OSTF1: variants seen among roughly 807,000 people sequenced by gnomAD.
OSTF1 encodes the protein osteoclast-stimulating factor 1.
A neutral mutation model predicts 37.2 loss-of-function variants in OSTF1; 27 were observed. The observed-to-expected ratio is 0.73, with a 90% CI of 0.54 to 1.00. The LOEUF (loss-of-function observed/expected upper bound fraction) is 1.00. OSTF1 is among the 50% of genes least tolerant of loss of function. The probability of loss-of-function intolerance (pLI) is 0.00; values close to 1 mark genes in which losing one functional copy is unlikely to be tolerated. For missense variants in OSTF1, 232 were observed against 253.8 expected, an observed-to-expected ratio of 0.91 and a Z score of 0.58; for synonymous variants, 82 against 89.2, an observed-to-expected ratio of 0.92 and a Z score of 0.46.
At chr9:75,130,767 A>G (rs1825750342) in intron 4 of OSTF1, 126 bp downstream of exon 4, 5 of 665,470 alleles carry the variant, frequency 7.5e-6, no homozygotes, top group Non-Finnish European at 1.1e-5. Flanking sequence ...GACATTTTCT[A>G]TTCCATGAGC....
At chr9:75,122,488 A>G (rs1430806036) in intron 2 of OSTF1, among the ~76,000 whole-genome samples, 1 of 152,180 alleles carries the variant, frequency 6.6e-6, no homozygotes, top group Non-Finnish European at 1.5e-5. Flanking sequence ...ATACTGTACT[A>G]TAGGGGTAGG....
chr9:75,143,258 A>G (rs1825971354), intron 9 of OSTF1, among the ~76,000 whole-genome samples: 1 of 152,188 alleles, frequency 6.6e-6, no homozygotes, highest in African/African-American at 2.4e-5. Context: ...AAGTACAAAA[A>G]TTCACATTTT....
chr9:75,113,470 A>G (rs1219626086), intron 1 of OSTF1, among the ~76,000 whole-genome samples: 3 of 146,374 alleles, frequency 2.0e-5, no homozygotes, highest in African/African-American at 5.1e-5. Context: ...TTTTTTTGAT[A>G]CAGAGTCTTG....
intron 2 of OSTF1, among the ~76,000 whole-genome samples, chr9:75,125,639 G>A (rs191066483): frequency 2.3e-4 from 35 of 152,218 alleles, no homozygotes; most frequent in African/African-American, 8.4e-4. Flanking sequence ...TAGCCATTTG[G>A]GGGCATCAAT....
Position 75,136,634 on chromosome 9 carries a change from C to G in OSTF1, c.409-904C>G, listed in dbSNP as rs533233439. Among the ~76,000 whole-genome samples the G allele has an allele frequency of 2.0e-5, 3 of 152,236 alleles. No homozygotes were observed. The South Asian group carries it at 6.2e-4, about 32-fold the overall frequency. On this transcript the variant is annotated intron_variant, in intron 7 of 9. Transcript: ENST00000346234. ...CTCGAACTCCTGACTTCAGGTGATC[C>G]GCTCTCCTCGGTCTCCCAAAGTGCT...
At chr9:75,112,177 T>C (rs1344913661) in intron 1 of OSTF1, among the ~76,000 whole-genome samples, 3 of 151,720 alleles carry the variant, frequency 2.0e-5, no homozygotes, top group African/African-American at 7.3e-5. Context: ...CACAGAGTAC[T>C]CTAATTTCTT....
At chr9:75,096,115 T>A (rs925852566) in intron 1 of OSTF1, among the ~76,000 whole-genome samples, 2 of 152,086 alleles carry the variant, frequency 1.3e-5, no homozygotes, top group East Asian at 1.9e-4. Context: ...ATGGTCTCGA[T>A]CTCCTGACCT....
chr9:75,095,648 T>C (rs982190082), intron 1 of OSTF1, among the ~76,000 whole-genome samples: 1 of 152,182 alleles, frequency 6.6e-6, no homozygotes, highest in Non-Finnish European at 1.5e-5. Context: ...CACAGAGAAC[T>C]GTGAACCAGA....
intron 2 of OSTF1, among the ~76,000 whole-genome samples, chr9:75,120,211 A>G (rs1410536323): frequency 2.0e-5 from 3 of 152,284 alleles, no homozygotes; most frequent in Non-Finnish European, 4.4e-5. Context: ...ATCGTATGTC[A>G]GGGGCATCTG....
At chr9:75,107,030 T>C (rs930294055) in intron 1 of OSTF1, among the ~76,000 whole-genome samples, 4 of 145,098 alleles carry the variant, frequency 2.8e-5, no homozygotes, top group Non-Finnish European at 6.1e-5. Flanking sequence ...ATGACGCCAA[T>C]AGAGATCTGG....
At position 75,140,892 on chromosome 9, in the gene OSTF1, T is replaced by C; in HGVS notation, c.546T>C (p.Asn182=). Residue 182 remains asparagine (N), a synonymous_variant, in exon 9 of 10, where the codon AAT becomes AAC. Coordinates refer to ENST00000346234, the MANE Select transcript of OSTF1 (RefSeq NM_012383.5). ...EKKLAFDMAT[N]AACASLLKKK... ...AGCTGGCCTTCGACATGGCTACCAA[T>C]GCTGCCTGTGCATCTCTCCTGAAAA... 12 of 1,613,822 alleles carry C rather than the reference T, an allele frequency of 7.4e-6. No individual in the cohort carries two copies. Among genetic ancestry groups the C allele is most frequent in the Non-Finnish European group, 1.0e-5 (12 of 1,179,744 alleles).
Position 75,088,632 on chromosome 9 carries a change from T to G in OSTF1, c.-61T>G. 1 of 1,555,754 alleles carries G rather than the reference T, an allele frequency of 6.4e-7. No homozygotes were observed. The highest frequency in any genetic ancestry group is 8.8e-7 in the Non-Finnish European group (1 of 1,140,020). ...GAACTGGGGTGCCCGGAGTGCCAGG[T>G]GGCGGGCAAGCGGTGGGCTTTTCGG... On this transcript the variant is annotated 5_prime_UTR_variant, in exon 1 of 10. Coordinates refer to ENST00000346234, the MANE Select transcript of OSTF1 (RefSeq NM_012383.5).
At position 75,088,636 on chromosome 9, in the gene OSTF1, G is replaced by A; in HGVS notation, c.-57G>A. ...TGGGGTGCCCGGAGTGCCAGGTGGC[G>A]GGCAAGCGGTGGGCTTTTCGGCGGG... is the stretch of plus-strand genomic sequence containing the variant. On this transcript the variant is annotated 5_prime_UTR_variant, in exon 1 of 10. Transcript: ENST00000346234. The A allele has an allele frequency of 4.5e-6, 7 of 1,572,286 alleles. No homozygotes were observed. The highest frequency in any genetic ancestry group is 1.4e-5 in the African/African-American group (1 of 73,838).
intron 5 of OSTF1, among the ~76,000 whole-genome samples, chr9:75,132,972 TAC>T (rs57913558): frequency 0.12 from 7,406 of 60,094 alleles, 193 homozygotes; most frequent in South Asian, 0.18. Flanking sequence ...TACACACACA[TAC>T]ACACACACAC....
At chr9:75,136,649 C>T (rs1825848415) in intron 7 of OSTF1, among the ~76,000 whole-genome samples, 2 of 152,190 alleles carry the variant, frequency 1.3e-5, no homozygotes, top group Admixed American at 1.3e-4. Context: ...TCCTCGGTCT[C>T]CCAAAGTGCT....
chr9:75,098,175 TCTC>T (rs1825122244), intron 1 of OSTF1, among the ~76,000 whole-genome samples: 3 of 152,182 alleles, frequency 2.0e-5, no homozygotes, highest in Admixed American at 1.3e-4. Flanking sequence ...TCGTGCTCCT[TCTC>T]CTAGACTCCT....
intron 1 of OSTF1, among the ~76,000 whole-genome samples, chr9:75,107,729 C>G (rs1825314035): frequency 6.6e-6 from 1 of 152,124 alleles, no homozygotes; most frequent in Admixed American, 6.6e-5. Flanking sequence ...CAGAGGGGAA[C>G]ACAGAAGTTC....
intron 4 of OSTF1, among the ~76,000 whole-genome samples, chr9:75,130,916 AT>A (rs1176005417): frequency 6.6e-6 from 1 of 152,030 alleles, no homozygotes; most frequent in African/African-American, 2.4e-5. Flanking sequence ...CCTTAAAACA[AT>A]TTTTTTTAAT....
At chr9:75,094,186 G>C (rs991446433) in intron 1 of OSTF1, among the ~76,000 whole-genome samples, 3 of 152,162 alleles carry the variant, frequency 2.0e-5, no homozygotes, top group Non-Finnish European at 4.4e-5. Flanking sequence ...CATTTTATTA[G>C]CTTATGCAGT....
Sources: gnomAD v4.1 joint callset for allele counts (sites outside exome capture counted in the v4.1 genomes callset) on GRCh38, gnomAD v4.1.1 for gene constraint, MANE v1.5 for transcripts, NCBI Gene and HGNC (gene_info 2026-07-23, HGNC 2026-07-21) for gene names.